The following TANC2 variants were observed in gnomAD, a reference collection of about 807,000 sequenced individuals.
TANC2 encodes the protein protein TANC2.
In TANC2, 26 loss-of-function variants were observed where a neutral mutation model predicts 210.5. That is an observed-to-expected ratio of 0.12 (90% CI 0.09 to 0.17). TANC2 has a LOEUF of 0.17. TANC2 is among the 10% of genes least tolerant of loss of function. The pLI is 1.00. For synonymous variants in TANC2, 931 were observed against 967.1 expected (o/e 0.96, Z 0.69); for missense variants, 2,129 against 2,608.9 (o/e 0.82, Z 4.01).
exon 2 of TANC2, chr17:63,009,609 G>T: frequency 6.2e-7 from 1 of 1,612,802 alleles, no homozygotes; most frequent in Non-Finnish European, 8.5e-7. Flanking sequence ...AAATCAAGTC[G>T]TAAAAACAGG....
rs2147419174 is a variant in TANC2 at position 63,420,488 on chromosome 17, A to T, written c.4758A>T (p.Pro1586=). The T allele has an allele frequency of 1.2e-6, 2 of 1,613,906 alleles. No individual in the cohort carries two copies. The highest frequency in any genetic ancestry group is 2.2e-5 in the East Asian group (1 of 44,862). Residue 1586 remains proline (P), a synonymous_variant, in exon 28 of 28, where the codon CCA becomes CCT. Transcript: ENST00000689528. This position sits in a 1 kb window ranked among gnomAD's most constrained non-coding sequence, Gnocchi z 4.2. ...AGAACTCACATTACAGGCCTAGCCC[A>T]CCACACACTTCCCCGGCTCATCAGG...
exon 28 of TANC2, chr17:63,426,070 T>C (rs549036353): frequency 5.9e-5 from 9 of 152,356 alleles, no homozygotes; most frequent in African/African-American, 1.2e-4. Flanking sequence ...CTCCTCTTGA[T>C]GCTCCCAGTG....
rs541936274 is a variant in TANC2, at chr17:63,106,813, GT to G, written c.322+7464del. On this transcript the variant is annotated intron_variant, in intron 4 of 27. Coordinates refer to ENST00000689528, the Ensembl canonical transcript of TANC2. ...TTTTAGACAAGAAAGTAATTTTCTAGTTTTTTTTCTTTTCATATTTGAATGG... is the reference window on the plus strand; with the variant it reads ...TTTTAGACAAGAAAGTAATTTTCTAGTTTTTTTCTTTTCATATTTGAATGG... 2.0e-3 allele frequency among the ~76,000 whole-genome samples: 304 copies of G among 151,466 alleles called. 5 individuals are homozygous for G. Among genetic ancestry groups the G allele is most frequent in the African/African-American group, 4.0e-3 (164 of 40,936 alleles).
chr17:63,335,966 CA>C (rs552393910), intron 11 of TANC2, among the ~76,000 whole-genome samples: 75 of 143,222 alleles, frequency 5.2e-4, no homozygotes, highest in Non-Finnish European at 5.4e-4. Context: ...GTCCTACTGC[CA>C]AAAAAAAAAA....
intron 9 of TANC2, among the ~76,000 whole-genome samples, chr17:63,301,903 A>T (rs1453992261): frequency 6.6e-6 from 1 of 151,996 alleles, no homozygotes; most frequent in Non-Finnish European, 1.5e-5. Context: ...TGGCTTTCTG[A>T]TGTGGGCATT....
chr17:63,357,444 G>A (rs913281127), intron 14 of TANC2, among the ~76,000 whole-genome samples: 2 of 152,244 alleles, frequency 1.3e-5, no homozygotes, highest in African/African-American at 4.8e-5. Flanking sequence ...GGGACAAGAG[G>A]AGCAGGTACT....
intron 8 of TANC2, among the ~76,000 whole-genome samples, chr17:63,264,523 TG>T (rs2043465204): frequency 6.6e-6 from 1 of 152,116 alleles, no homozygotes. Flanking sequence ...AAGGAGAAAC[TG>T]GGTTATCATT....
intron 7 of TANC2, among the ~76,000 whole-genome samples, chr17:63,224,562 A>C (rs1293874009): frequency 6.6e-6 from 1 of 152,154 alleles, no homozygotes; most frequent in East Asian, 1.9e-4. Context: ...CTTTACAATA[A>C]TATATCCTCC....
intron 1 of TANC2, among the ~76,000 whole-genome samples, chr17:62,978,103 GTTAAGA>G (rs1454151726): frequency 2.6e-5 from 4 of 152,116 alleles, no homozygotes; most frequent in African/African-American, 9.7e-5. Context: ...ACTGATGGAT[GTTAAGA>G]TTGTTTCCTT....
chr17:63,273,043 G>A (rs1366817542), intron 9 of TANC2, among the ~76,000 whole-genome samples: 2 of 152,074 alleles, frequency 1.3e-5, no homozygotes, highest in Non-Finnish European at 2.9e-5. Context: ...ACCTTAGAAG[G>A]CCAAGGTGGG....
At chr17:63,250,144 T>G (rs764934688) in intron 8 of TANC2, among the ~76,000 whole-genome samples, 18 of 152,144 alleles carry the variant, frequency 1.2e-4, no homozygotes, top group Non-Finnish European at 2.4e-4. Flanking sequence ...TGACAAACTT[T>G]GTGGATTTAC....
In TANC2 at chr17:62,987,439, T is replaced by G. The variant is rs1215997220; in HGVS notation, c.-24+20690T>G. ...AATGGGGGTTAGGGAGTGCACACCT[T>G]GTGCTCCTAATCTAGGAACTGCATG... On this transcript the variant is annotated intron_variant, in intron 1 of 27. Coordinates refer to ENST00000689528, the Ensembl canonical transcript of TANC2. Among the ~76,000 whole-genome samples the G allele has an allele frequency of 2.6e-5, 4 of 152,178 alleles. 1 individual carries two copies. In the South Asian group the frequency reaches 8.3e-4, roughly 31 times the overall value.
intron 1 of TANC2, among the ~76,000 whole-genome samples, chr17:62,992,988 G>C (rs1272815127): frequency 6.6e-6 from 1 of 152,158 alleles, no homozygotes; most frequent in East Asian, 1.9e-4. Context: ...ACCTTTTCCA[G>C]CTTCTGGAGG....
At chr17:63,322,690 G>A (rs2045533798) in intron 11 of TANC2, among the ~76,000 whole-genome samples, 1 of 152,178 alleles carries the variant, frequency 6.6e-6, no homozygotes, top group South Asian at 2.1e-4. Context: ...ATTCTCATGA[G>A]AGAAAGACAA....
intron 7 of TANC2, among the ~76,000 whole-genome samples, chr17:63,229,355 A>G (rs990263215): frequency 3.9e-5 from 6 of 152,180 alleles, no homozygotes; most frequent in African/African-American, 9.7e-5. Context: ...TTCCGTCAAT[A>G]TGCATCAGGG....
chr17:63,294,869 G>C (rs1411555787), intron 9 of TANC2, among the ~76,000 whole-genome samples: 2 of 152,094 alleles, frequency 1.3e-5, no homozygotes, highest in Non-Finnish European at 2.9e-5. Flanking sequence ...AAATGATATG[G>C]ATTAGTTCAT....
chr17:63,187,154 C>G (rs2041017986), intron 5 of TANC2, among the ~76,000 whole-genome samples: 1 of 152,100 alleles, frequency 6.6e-6, no homozygotes, highest in Admixed American at 6.5e-5. Context: ...CAGAGGGGAG[C>G]TGGGGACTGA....
chr17:63,161,245 C>G (rs1335766630), intron 5 of TANC2, among the ~76,000 whole-genome samples: 2 of 152,016 alleles, frequency 1.3e-5, no homozygotes, highest in African/African-American at 2.4e-5. Flanking sequence ...ACCTGTGGTC[C>G]CAGCTACTTG....
chr17:63,093,731 T>C (rs1257488099), intron 3 of TANC2, among the ~76,000 whole-genome samples: 1 of 152,066 alleles, frequency 6.6e-6, no homozygotes, highest in Non-Finnish European at 1.5e-5. Context: ...TGTTATGGAG[T>C]CTTCAGATCC....
Sources: gnomAD v4.1 joint callset for allele counts (sites outside exome capture counted in the v4.1 genomes callset) on GRCh38, gnomAD v4.1.1 for gene constraint, Gnocchi (gnomAD v3.1) non-coding constraint, MANE v1.5 for transcripts, NCBI Gene and HGNC (gene_info 2026-07-23, HGNC 2026-07-21) for gene names.